FAT3: variants seen among roughly 807,000 people sequenced by gnomAD.
FAT3 encodes the protein protocadherin Fat 3.
In FAT3, 95 loss-of-function variants were observed where a neutral mutation model predicts 310.2. That is an observed-to-expected ratio of 0.31 (90% CI 0.26 to 0.36). The LOEUF (loss-of-function observed/expected upper bound fraction) is 0.36. Among genes scored for constraint, FAT3 ranks in the 10% least tolerant of loss-of-function variants. The pLI is 1.00. For synonymous variants in FAT3, 2,314 were observed against 2,192.9 expected, an observed-to-expected ratio of 1.06 and a Z score of -1.54; for missense variants, 5,408 against 5,715.6, an observed-to-expected ratio of 0.95 and a Z score of 1.74.
At chr11:92,830,387 A>G (rs1948213643) in intron 13 of FAT3, among the ~76,000 whole-genome samples, 1 of 152,216 alleles carries the variant, frequency 6.6e-6, no homozygotes, top group Non-Finnish European at 1.5e-5. Flanking sequence ...GTATTTTGGT[A>G]ACTAGGTACA....
chr11:92,260,616 A>G (rs1865508887), intron 1 of FAT3, among the ~76,000 whole-genome samples: 1 of 152,164 alleles, frequency 6.6e-6, no homozygotes, highest in Admixed American at 6.6e-5. Context: ...GAAATGGGCC[A>G]TGAACTAATT....
intron 1 of FAT3, among the ~76,000 whole-genome samples, chr11:92,280,117 G>A (rs956087457): frequency 6.6e-6 from 1 of 152,204 alleles, no homozygotes; most frequent in African/African-American, 2.4e-5. Flanking sequence ...AGACTATATT[G>A]TTGAACTAGT....
chr11:92,338,443 A>G (rs1213884801), intron 1 of FAT3, among the ~76,000 whole-genome samples: 1 of 152,092 alleles, frequency 6.6e-6, no homozygotes. Context: ...CTTGGGGTAG[A>G]ATTATGGGGA....
chr11:92,282,907 A>G (rs1946467674), intron 1 of FAT3, among the ~76,000 whole-genome samples: 1 of 152,000 alleles, frequency 6.6e-6, no homozygotes, highest in South Asian at 2.1e-4. Context: ...AAAATTGAAA[A>G]TTTTCTTTGC....
chr11:92,310,995 T>C (rs940766022), intron 1 of FAT3, among the ~76,000 whole-genome samples: 1 of 151,562 alleles, frequency 6.6e-6, no homozygotes, highest in Non-Finnish European at 1.5e-5. Flanking sequence ...CTCAGTCTTA[T>C]ATGTGTATGT....
chr11:92,255,742 A>G (rs538832513), intron 1 of FAT3, among the ~76,000 whole-genome samples: 3 of 152,304 alleles, frequency 2.0e-5, no homozygotes, highest in African/African-American at 7.2e-5. Flanking sequence ...TTTTATGGCA[A>G]TGAAACAGAG....
chr11:92,596,404 C>G (rs954712075), intron 3 of FAT3, among the ~76,000 whole-genome samples: 1 of 152,166 alleles, frequency 6.6e-6, no homozygotes, highest in African/African-American at 2.4e-5. Context: ...TTCAAGGACA[C>G]TCCTGGGGCT....
At chr11:92,331,724 C>A (rs2134539996) in intron 1 of FAT3, among the ~76,000 whole-genome samples, 1 of 152,280 alleles carries the variant, frequency 6.6e-6, no homozygotes, top group South Asian at 2.1e-4. Context: ...CTCAGATTTT[C>A]TTGTTTTTTA....
chr11:92,468,411 T>G (rs1447359792), intron 2 of FAT3, among the ~76,000 whole-genome samples: 3 of 152,220 alleles, frequency 2.0e-5, no homozygotes, highest in Non-Finnish European at 4.4e-5. Context: ...GAAAGCTCCC[T>G]TGTCATATAT....
chr11:92,450,511 G>T (rs1951327374), intron 2 of FAT3, among the ~76,000 whole-genome samples: 1 of 152,132 alleles, frequency 6.6e-6, no homozygotes, highest in Admixed American at 6.6e-5. Context: ...ACAGCCTCTG[G>T]TTCCTACAAG....
At chr11:92,330,574 A>G (rs542450373) in intron 1 of FAT3, among the ~76,000 whole-genome samples, 1 of 152,328 alleles carries the variant, frequency 6.6e-6, no homozygotes, top group African/African-American at 2.4e-5. Context: ...CCAGGGTCCC[A>G]AGACAAACAG....
In FAT3 at chr11:92,291,080, TACACACACACAC is replaced by T. The variant is rs141883138; in HGVS notation, c.-17-60990_-17-60979del. On this transcript the variant is annotated intron_variant, in intron 1 of 27. Transcript: ENST00000525166. ...TTACTCTGCTAAATGCTTTTTATTC[TACACACACACAC>T]ACACACACACACACACACACACACA... Among the ~76,000 whole-genome samples, 7 of 142,888 alleles carry T rather than the reference TACACACACACAC, an allele frequency of 4.9e-5. No individual in the cohort carries two copies. The South Asian group carries it at 1.1e-3, about 23-fold the overall frequency. 93.7% of individuals were successfully genotyped at this position (142,888 alleles called of 152,430 possible). A position where few individuals can be genotyped will look rare whatever the true frequency, so the allele number is the denominator to read the frequency against.
chr11:92,654,323 G>T (rs1315335678), intron 3 of FAT3, among the ~76,000 whole-genome samples: 2 of 152,126 alleles, frequency 1.3e-5, no homozygotes, highest in African/African-American at 4.8e-5. Context: ...CACCAAAATG[G>T]ACCTCTTGCC....
At chr11:92,529,397 A>G (rs2135378632) in intron 3 of FAT3, among the ~76,000 whole-genome samples, 1 of 152,326 alleles carries the variant, frequency 6.6e-6, no homozygotes, top group Non-Finnish European at 1.5e-5. Context: ...CTTGAGAGGC[A>G]TGATATTATT....
chr11:92,731,331 C>T (rs1188865226), intron 4 of FAT3, among the ~76,000 whole-genome samples: 3 of 152,076 alleles, frequency 2.0e-5, no homozygotes, highest in Non-Finnish European at 4.4e-5. Context: ...GAGCAGGTAC[C>T]TAGTCAGTAG....
chr11:92,850,390 A>T (rs1278350827), intron 19 of FAT3, among the ~76,000 whole-genome samples: 1 of 152,184 alleles, frequency 6.6e-6, no homozygotes, highest in Non-Finnish European at 1.5e-5. Flanking sequence ...ACCCATACAC[A>T]GCTGCCCCAG....
At chr11:92,637,585 A>C (rs148291952) in intron 3 of FAT3, among the ~76,000 whole-genome samples, 203 of 152,322 alleles carry the variant, frequency 1.3e-3, no homozygotes, top group African/African-American at 4.5e-3. Flanking sequence ...GGGCTTGGCA[A>C]ATAGCAATGC....
At chr11:92,445,966 A>G (rs1302068487) in intron 2 of FAT3, among the ~76,000 whole-genome samples, 3 of 152,184 alleles carry the variant, frequency 2.0e-5, no homozygotes, top group Non-Finnish European at 4.4e-5. Context: ...CTAACAAATT[A>G]TGTTCACAAT....
chr11:92,258,761 G>T (rs1865415784), intron 1 of FAT3, among the ~76,000 whole-genome samples: 1 of 152,158 alleles, frequency 6.6e-6, no homozygotes, highest in East Asian at 1.9e-4. Context: ...ACAAGGAATT[G>T]GAGGCACATG....
Sources: allele counts gnomAD v4.1 joint callset (sites outside exome capture counted in the v4.1 genomes callset), GRCh38; gene constraint gnomAD v4.1.1; transcripts MANE v1.5; gene names NCBI Gene and HGNC (gene_info 2026-07-23, HGNC 2026-07-21).